Variants in CPNE4 observed in about 807,000 individuals in gnomAD.
CPNE4 encodes copine-4.
CPNE4 carries 25 observed loss-of-function variants against 67.9 expected under a neutral mutation model. That is an observed-to-expected ratio of 0.37 (90% CI 0.27 to 0.51). The LOEUF (loss-of-function observed/expected upper bound fraction) is 0.51, where lower values mean the gene tolerates loss of function less well. Among genes scored for constraint, CPNE4 ranks in the 20% least tolerant of loss-of-function variants. The pLI is 0.93. For missense variants in CPNE4, 464 were observed against 690.8 expected, an observed-to-expected ratio of 0.67 and a Z score of 3.68; for synonymous variants, 242 against 244.9, an observed-to-expected ratio of 0.99 and a Z score of 0.11.
intron 7 of CPNE4, among the ~76,000 whole-genome samples, chr3:131,631,245 T>C (rs1465239909): frequency 6.6e-6 from 1 of 152,342 alleles, no homozygotes; most frequent in Admixed American, 6.5e-5. Flanking sequence ...ACAAAACCAG[T>C]TGAAATTCCA....
intron 7 of CPNE4, among the ~76,000 whole-genome samples, chr3:131,658,814 T>C (rs2080047195): frequency 6.6e-6 from 1 of 152,234 alleles, no homozygotes; most frequent in African/African-American, 2.4e-5. Context: ...TCATGTTTTA[T>C]TTGATGATTC....
At chr3:131,785,534 G>A (rs1307642373) in intron 2 of CPNE4, among the ~76,000 whole-genome samples, 1 of 151,386 alleles carries the variant, frequency 6.6e-6, no homozygotes, top group Non-Finnish European at 1.5e-5. Flanking sequence ...TTTTCTTATT[G>A]TTTCTCTCCT....
intron 2 of CPNE4, among the ~76,000 whole-genome samples, chr3:131,818,220 C>T (rs1219132854): frequency 1.3e-5 from 2 of 152,280 alleles, no homozygotes; most frequent in Admixed American, 6.5e-5. Flanking sequence ...GATTTATGTT[C>T]TTCCCTCAAC....
intron 1 of CPNE4, among the ~76,000 whole-genome samples, chr3:131,913,256 C>G (rs2089053280): frequency 6.6e-6 from 1 of 152,140 alleles, no homozygotes; most frequent in Non-Finnish European, 1.5e-5. Flanking sequence ...ATAAAAACAC[C>G]TGAAACTGGT....
chr3:131,782,936 A>G (rs966284283), intron 2 of CPNE4, among the ~76,000 whole-genome samples: 1 of 151,712 alleles, frequency 6.6e-6, no homozygotes, highest in African/African-American at 2.4e-5. Flanking sequence ...CTTGTGGCCA[A>G]CTCTTGAGAG....
chr3:131,965,962 A>G (rs991610970), intron 1 of CPNE4, among the ~76,000 whole-genome samples: 1 of 152,210 alleles, frequency 6.6e-6, no homozygotes, highest in African/African-American at 2.4e-5. Context: ...AATTGACCAC[A>G]TAATTCGAAG....
At chr3:131,805,860 G>T (rs545364977) in intron 2 of CPNE4, among the ~76,000 whole-genome samples, 1 of 152,304 alleles carries the variant, frequency 6.6e-6, no homozygotes, top group East Asian at 1.9e-4. Context: ...AGGAAAAAGA[G>T]AAATAGACTC....
At chr3:131,952,833 G>C (rs1220131246) in intron 1 of CPNE4, among the ~76,000 whole-genome samples, 2 of 152,228 alleles carry the variant, frequency 1.3e-5, no homozygotes, top group African/African-American at 4.8e-5. Flanking sequence ...TGAGAAATCG[G>C]ATGGTTGCCC....
intron 1 of CPNE4, among the ~76,000 whole-genome samples, chr3:131,998,398 C>T (rs539941136): frequency 6.3e-4 from 96 of 152,252 alleles, no homozygotes; most frequent in African/African-American, 2.1e-3. Context: ...TTTAGCACCA[C>T]TAAACAGCAG....
At chr3:131,736,011 T>C (rs1377662091) in intron 2 of CPNE4, among the ~76,000 whole-genome samples, 1 of 152,166 alleles carries the variant, frequency 6.6e-6, no homozygotes, top group Non-Finnish European at 1.5e-5. Flanking sequence ...GTGGCAGAGA[T>C]AGCTGGGTTT....
intron 2 of CPNE4, among the ~76,000 whole-genome samples, chr3:131,851,695 C>A (rs1025679699): frequency 1.3e-5 from 2 of 152,078 alleles, no homozygotes; most frequent in Non-Finnish European, 2.9e-5. Flanking sequence ...AAGAGGAAGG[C>A]AGAGCAATCC....
intron 3 of CPNE4, among the ~76,000 whole-genome samples, chr3:131,713,515 G>A (rs867932024): frequency 1.3e-5 from 2 of 152,146 alleles, no homozygotes; most frequent in African/African-American, 4.8e-5. Context: ...AAAGGAAAGA[G>A]ATGAATGAGA....
chr3:131,717,886 C>CTTTCT (rs757337538), intron 3 of CPNE4, among the ~76,000 whole-genome samples: 1 of 86,372 alleles, frequency 1.2e-5, no homozygotes, highest in East Asian at 3.7e-4. Context: ...TTCTTTCTTT[C>CTTTCT]TTTCTTTCTT....
At chr3:132,028,600 C>A (rs1229805682) in intron 1 of CPNE4, among the ~76,000 whole-genome samples, 3 of 152,136 alleles carry the variant, frequency 2.0e-5, no homozygotes, top group African/African-American at 4.8e-5. Flanking sequence ...TCACAGTGAA[C>A]CTGTGTTAAG....
At chr3:131,655,827 T>C (rs2079943974) in intron 7 of CPNE4, among the ~76,000 whole-genome samples, 2 of 152,152 alleles carry the variant, frequency 1.3e-5, no homozygotes, top group African/African-American at 2.4e-5. Flanking sequence ...TGCTTAAAGG[T>C]AAACCAGGAT....
At chr3:131,823,589 T>C (rs2085042736) in intron 2 of CPNE4, among the ~76,000 whole-genome samples, 2 of 152,214 alleles carry the variant, frequency 1.3e-5, no homozygotes, top group Non-Finnish European at 2.9e-5. Flanking sequence ...TGATGGAGGA[T>C]GAGCTTTAGA....
chr3:131,900,605 C>T (rs904697906), intron 2 of CPNE4, among the ~76,000 whole-genome samples: 20 of 152,100 alleles, frequency 1.3e-4, no homozygotes, highest in African/African-American at 4.6e-4. Flanking sequence ...GGTGAGATTA[C>T]TGGACACTGA....
chr3:131,826,398 A>G (rs1193505946), intron 2 of CPNE4, among the ~76,000 whole-genome samples: 1 of 151,970 alleles, frequency 6.6e-6, no homozygotes, highest in Admixed American at 6.6e-5. Context: ...GGGTCTCACT[A>G]TATTGCCCAG....
chr3:131,624,972 C>T (rs931541777), intron 7 of CPNE4, among the ~76,000 whole-genome samples: 1 of 152,154 alleles, frequency 6.6e-6, no homozygotes, highest in African/African-American at 2.4e-5. Flanking sequence ...GGTCCTTACC[C>T]TATGCAAACA....
Sources: allele counts gnomAD v4.1 joint callset (sites outside exome capture counted in the v4.1 genomes callset), GRCh38; gene constraint gnomAD v4.1.1; transcripts MANE v1.5; gene names NCBI Gene and HGNC (gene_info 2026-07-23, HGNC 2026-07-21).